SEC14L4: variants seen among roughly 807,000 people sequenced by gnomAD.
The protein encoded by SEC14L4 is SEC14-like protein 4.
Under a neutral mutation model 55.1 loss-of-function variants are expected in SEC14L4, and 42 were observed. The ratio of observed to expected loss-of-function variants is 0.76; its 90% confidence interval spans 0.60 to 0.99. The LOEUF is 0.99. Among genes scored for constraint, SEC14L4 ranks in the 50% least tolerant of loss-of-function variants. SEC14L4 has a pLI of 0.00. For synonymous variants in SEC14L4, 206 were observed against 206.8 expected, an observed-to-expected ratio of 1.00 and a Z score of 0.03; for missense variants, 445 against 512.1, an observed-to-expected ratio of 0.87 and a Z score of 1.27.
rs1195107082 is a variant in SEC14L4 at position 30,492,236 on chromosome 22, A to C, written c.665-81T>G. 5.3e-6 allele frequency: 8 copies of C among 1,515,496 alleles called. No individual in the cohort carries two copies. The Admixed American group carries it at 1.5e-4, about 29-fold the overall frequency. 93.9% of individuals were successfully genotyped at this position (1,515,496 alleles called of 1,614,324 possible). A position where few individuals can be genotyped will look rare whatever the true frequency, so the allele number is the denominator to read the frequency against. On this transcript the variant is annotated intron_variant, in intron 8 of 11. Coordinates refer to ENST00000255858, the MANE Select transcript of SEC14L4 (RefSeq NM_174977.4). ...AGAGGGGGCTGAGCTTGGTGAGGGA[A>C]CCTGATATGTCCTGGGCGTGCTCCC...
At chr22:30,494,057 TG>T in intron 7 of SEC14L4, 92 bp downstream of exon 7, 1 of 916,078 alleles carries the variant, frequency 1.1e-6, no homozygotes, top group Non-Finnish European at 1.8e-6. Flanking sequence ...TCACAAAGGA[TG>T]GGTGAAGAAG....
intron 7 of SEC14L4, among the ~76,000 whole-genome samples, chr22:30,493,573 A>C (rs1936037732): frequency 6.6e-6 from 1 of 152,180 alleles, no homozygotes; most frequent in Admixed American, 6.6e-5. Flanking sequence ...TCCATGGACT[A>C]TCTGTTCCCA....
chr22:30,494,938 C>T lies in SEC14L4; in HGVS notation c.447G>A (p.Ala149=), dbSNP rs534889972. Residue 149 remains alanine, a synonymous_variant, in exon 6 of 12, where the codon GCG becomes GCA. Coordinates refer to ENST00000255858, the MANE Select transcript of SEC14L4 (RefSeq NM_174977.4). ...GCCCCTCCATGTCAAACACCATCAG[C>T]GCCATCTCGATCTTCCTGCCCAGCT... ...TQKLGRKIEM[A]LMVFDMEGLS... is the part of the protein sequence containing the mutation. 9.9e-6 allele frequency: 16 copies of T among 1,613,534 alleles called. No homozygotes were observed. Among genetic ancestry groups the T allele is most frequent in the East Asian group, 4.5e-5 (2 of 44,832 alleles).
chr22:30,491,979 G>A lies in SEC14L4; in HGVS notation c.772-6C>T. The A allele has an allele frequency of 6.2e-7, 1 of 1,613,892 alleles. No homozygotes were observed. Among genetic ancestry groups the A allele is most frequent in the Admixed American group, 1.7e-5 (1 of 60,010 alleles). ...ACCTCACCCCCATAGTTGATCTGTG[G>A]GTGAAGGGGGTGTGTGGGCACTAGA... On this transcript the variant is annotated splice_region_variant and splice_polypyrimidine_tract_variant and intron_variant, in intron 9 of 11. Coordinates refer to ENST00000255858, the MANE Select transcript of SEC14L4 (RefSeq NM_174977.4).
Position 30,495,404 on chromosome 22 carries a change from G to T in SEC14L4, c.273C>A (p.Tyr91Ter), listed in dbSNP as rs200916088. ...QLYDSGGLCG[Y>*]DYEGCPVYFN... ...AGTACACAGGGCAGCCTTCGTAGTCGTAGCCACAAAGACCACCCGAGTCAT... is the reference window on the plus strand; with the variant it reads ...AGTACACAGGGCAGCCTTCGTAGTCTTAGCCACAAAGACCACCCGAGTCAT... Residue 91 changes from tyrosine (Y) to a stop codon, truncating the protein, a stop_gained, in exon 5 of 12, where the codon TAC becomes TAA. Coordinates refer to ENST00000255858, the MANE Select transcript of SEC14L4 (RefSeq NM_174977.4). LOFTEE classifies it high-confidence loss of function. The T allele has an allele frequency of 1.2e-6, 2 of 1,613,934 alleles. No individual in the cohort carries two copies. The highest frequency in any genetic ancestry group is 1.7e-6 in the Non-Finnish European group (2 of 1,179,952).
chr22:30,492,605 G>A, intron 7 of SEC14L4, 48 bp from the exon 8 acceptor site: 1 of 1,444,734 alleles, frequency 6.9e-7, no homozygotes. Flanking sequence ...AAAGGACGTG[G>A]GGATACAGAG....
intron 2 of SEC14L4, among the ~76,000 whole-genome samples, chr22:30,497,063 G>A (rs1328155587): frequency 1.3e-5 from 2 of 152,188 alleles, no homozygotes; most frequent in Admixed American, 6.5e-5. Flanking sequence ...TCCCGGCCAG[G>A]CGTGGTGGCT....
intron 7 of SEC14L4, among the ~76,000 whole-genome samples, chr22:30,493,644 G>A (rs1415096426): frequency 6.6e-6 from 1 of 152,144 alleles, no homozygotes; most frequent in African/African-American, 2.4e-5. Context: ...TGACATTGCT[G>A]AAACATACCA....
Position 30,489,387 on chromosome 22 carries a change from AC to A in SEC14L4, c.*719del, listed in dbSNP as rs976272086. The A allele has an allele frequency of 5.4e-6, 1 of 183,726 alleles. No homozygotes were observed. Among genetic ancestry groups the A allele is most frequent in the Admixed American group, 5.4e-5 (1 of 18,552 alleles). The allele number at this position is 183,726 out of a possible 1,614,324, so 11.4% of individuals were successfully genotyped here. A position where few individuals can be genotyped will look rare whatever the true frequency, so the allele number is the denominator to read the frequency against. ...CCTGAGTAGCTGGGATTACAGGTGC[AC>A]GCCACCATGCCCGGCTAATTTTTGT... On this transcript the variant is annotated 3_prime_UTR_variant, in exon 12 of 12. Transcript: ENST00000255858.
intron 7 of SEC14L4, 43 bp downstream of exon 7, chr22:30,494,107 C>T (rs2069928530): frequency 1.4e-6 from 2 of 1,466,712 alleles, no homozygotes; most frequent in African/African-American, 1.4e-5. Context: ...CCCCCAATTC[C>T]TGCTTCTCCC....
At chr22:30,491,371 G>A in intron 11 of SEC14L4, 1 of 632,230 alleles carries the variant, frequency 1.6e-6, no homozygotes, top group Non-Finnish European at 2.7e-6. Flanking sequence ...AAGGCCCTAG[G>A]TTCTGAATAC....
intron 2 of SEC14L4, among the ~76,000 whole-genome samples, 159 bp downstream of exon 2, chr22:30,503,518 C>T (rs572937401): frequency 5.8e-4 from 88 of 152,212 alleles, no homozygotes; most frequent in African/African-American, 2.0e-3. Flanking sequence ...CTGCCTCGGC[C>T]TCCCAAAGTG....
chr22:30,500,753 A>ATTTTTT, intron 2 of SEC14L4, among the ~76,000 whole-genome samples: 1 of 90,510 alleles, frequency 1.1e-5, no homozygotes, highest in Non-Finnish European at 2.3e-5. Context: ...ATGAGAACAG[A>ATTTTTT]ATTTTTTTTT....
rs781184596 is a variant in SEC14L4 at position 30,491,858 on chromosome 22, AT to A, written c.886del (p.Ile296SerfsTer25). The A allele has an allele frequency of 1.2e-5, 20 of 1,612,158 alleles. No individual in the cohort carries two copies. In the African/African-American group the frequency reaches 2.5e-4, roughly 20 times the overall value. ...CCTGAGCACACAGCCCGGGAACAGG[AT>A]CTCGTTCTCCACCTGCAGGGAGGAG... ...RGSSLQVENE[I>X]LFPGCVLRWQ... On this transcript the variant is annotated frameshift_variant, in exon 10 of 12. Transcript: ENST00000255858. LOFTEE classifies it high-confidence loss of function.
At chr22:30,490,331 C>A (rs772265478) in intron 11 of SEC14L4, 85 bp from the exon 12 acceptor site, 48 of 1,587,116 alleles carry the variant, frequency 3.0e-5, no homozygotes, top group Non-Finnish European at 4.0e-5. Flanking sequence ...ATCCCTGGAA[C>A]CCTTGGGAAT....
intron 2 of SEC14L4, among the ~76,000 whole-genome samples, chr22:30,503,376 T>C (rs1331538284): frequency 6.6e-6 from 1 of 151,874 alleles, no homozygotes; most frequent in Admixed American, 6.6e-5. Flanking sequence ...GCGATTCTCC[T>C]GCCTCAGCCT....
intron 7 of SEC14L4, among the ~76,000 whole-genome samples, chr22:30,493,768 C>T (rs558904379): frequency 6.6e-6 from 1 of 152,144 alleles, no homozygotes; most frequent in African/African-American, 2.4e-5. Context: ...CTGTGGGAGG[C>T]CGAAGTGGCT....
At chr22:30,499,033 C>T (rs1370071958) in intron 2 of SEC14L4, among the ~76,000 whole-genome samples, 4 of 151,928 alleles carry the variant, frequency 2.6e-5, no homozygotes, top group Non-Finnish European at 4.4e-5. Flanking sequence ...CTCCGCCTCC[C>T]GGGTTCACGC....
intron 2 of SEC14L4, among the ~76,000 whole-genome samples, chr22:30,501,723 TTAA>T (rs1259810882): frequency 4.0e-5 from 6 of 151,732 alleles, no homozygotes. Flanking sequence ...GAAGAAGATG[TTAA>T]TAATAAGGAA....
Sources: allele counts gnomAD v4.1 joint callset (sites outside exome capture counted in the v4.1 genomes callset), GRCh38; gene constraint gnomAD v4.1.1; transcripts MANE v1.5; gene names NCBI Gene and HGNC (gene_info 2026-07-23, HGNC 2026-07-21).